GPC5: variants seen among roughly 807,000 people sequenced by gnomAD.
GPC5 encodes the protein glypican-5.
Under a neutral mutation model 53.9 loss-of-function variants are expected in GPC5, and 47 were observed. The observed-to-expected ratio is 0.87, with a 90% confidence interval of 0.69 to 1.11. The LOEUF (loss-of-function observed/expected upper bound fraction) is 1.11. GPC5 is among the 50% of genes most tolerant of loss of function. The pLI, the probability that GPC5 is intolerant of heterozygous loss-of-function variation, is 0.00. For missense variants in GPC5, 748 were observed against 713.1 expected (o/e 1.05, Z -0.56); for synonymous variants, 286 against 263.3 (o/e 1.09, Z -0.84).
At chr13:92,208,719 G>A (rs1248836271) in intron 7 of GPC5, among the ~76,000 whole-genome samples, 1 of 152,164 alleles carries the variant, frequency 6.6e-6, no homozygotes, top group South Asian at 2.1e-4. Context: ...TGACATTTCT[G>A]TATTTATTTG....
chr13:91,625,135 A>G (rs567895238), intron 2 of GPC5, among the ~76,000 whole-genome samples: 4 of 151,924 alleles, frequency 2.6e-5, no homozygotes, highest in Non-Finnish European at 5.9e-5. Context: ...GAACAACCCT[A>G]CACATGCTAA....
intron 7 of GPC5, among the ~76,000 whole-genome samples, chr13:92,558,352 T>A (rs1207390936): frequency 6.6e-6 from 1 of 152,032 alleles, no homozygotes; most frequent in Non-Finnish European, 1.5e-5. Flanking sequence ...GAAACTAACA[T>A]ATGCAAGTGA....
At chr13:92,444,384 G>A (rs533024247) in intron 7 of GPC5, among the ~76,000 whole-genome samples, 21 of 152,070 alleles carry the variant, frequency 1.4e-4, no homozygotes, top group Non-Finnish European at 3.1e-4. Flanking sequence ...CTGTGTGCCA[G>A]GAATTATACA....
intron 6 of GPC5, among the ~76,000 whole-genome samples, chr13:91,935,031 G>T (rs1594673111): frequency 1.3e-5 from 2 of 151,970 alleles, no homozygotes; most frequent in Admixed American, 6.6e-5. Context: ...AAAAATAATT[G>T]CTCTGACTGC....
intron 5 of GPC5, among the ~76,000 whole-genome samples, chr13:91,875,913 C>T (rs951256565): frequency 6.6e-6 from 1 of 152,168 alleles, no homozygotes; most frequent in African/African-American, 2.4e-5. Context: ...CAAGTCTCAA[C>T]TTGAATTGTA....
At chr13:92,308,062 A>G (rs1162067798) in intron 7 of GPC5, among the ~76,000 whole-genome samples, 2 of 152,164 alleles carry the variant, frequency 1.3e-5, no homozygotes, top group Admixed American at 1.3e-4. Context: ...GGTAATCATT[A>G]TGTGTTCCAA....
chr13:92,583,151 G>T (rs368501762), intron 7 of GPC5, among the ~76,000 whole-genome samples: 13 of 152,190 alleles, frequency 8.5e-5, no homozygotes, highest in African/African-American at 2.6e-4. Flanking sequence ...TTGTGTTAAG[G>T]TACATTCATC....
chr13:92,465,484 A>G (rs1878654517), intron 7 of GPC5, among the ~76,000 whole-genome samples: 1 of 152,058 alleles, frequency 6.6e-6, no homozygotes, highest in Admixed American at 6.6e-5. Flanking sequence ...AGGCTATGCT[A>G]CTTAAGGACA....
rs544300954 is a variant in GPC5, at chr13:91,809,929, G to A, written c.1280+53509G>A. On this transcript the variant is annotated intron_variant, in intron 5 of 7. Coordinates refer to ENST00000377067, the MANE Select transcript of GPC5 (RefSeq NM_004466.6). ...TGATGCATATGCTAATAAGCCTTTAGGGAAGGTTATGGTGTGAAATCTAAG... is the reference window on the plus strand; with the variant it reads ...TGATGCATATGCTAATAAGCCTTTAAGGAAGGTTATGGTGTGAAATCTAAG... Among the ~76,000 whole-genome samples the A allele has an allele frequency of 9.9e-5, 15 of 152,086 alleles. No homozygotes were observed. The South Asian group carries it at 2.9e-3, about 29-fold the overall frequency.
At chr13:91,714,364 T>C (rs916645077) in intron 3 of GPC5, among the ~76,000 whole-genome samples, 1 of 152,202 alleles carries the variant, frequency 6.6e-6, no homozygotes, top group African/African-American at 2.4e-5. Flanking sequence ...TACATTAGGA[T>C]ACAATCACAC....
chr13:92,508,431 C>G (rs1025458908), intron 7 of GPC5, among the ~76,000 whole-genome samples: 1 of 151,838 alleles, frequency 6.6e-6, no homozygotes, highest in Non-Finnish European at 1.5e-5. Context: ...ACTTTTAATA[C>G]AAGAAAAAAA....
At chr13:91,601,565 C>T (rs75984796) in intron 2 of GPC5, among the ~76,000 whole-genome samples, 311 of 152,184 alleles carry the variant, frequency 2.0e-3, no homozygotes, top group African/African-American at 7.2e-3. Context: ...CTCCCCATCA[C>T]CTGAGCTCCA....
intron 5 of GPC5, among the ~76,000 whole-genome samples, chr13:91,895,863 C>T (rs1030284105): frequency 3.9e-5 from 6 of 152,010 alleles, no homozygotes; most frequent in Non-Finnish European, 5.9e-5. Context: ...GTAATTGGGC[C>T]GAAATTAAAG....
intron 5 of GPC5, among the ~76,000 whole-genome samples, chr13:91,760,961 A>T (rs2037398489): frequency 6.6e-6 from 1 of 152,216 alleles, no homozygotes; most frequent in African/African-American, 2.4e-5. Flanking sequence ...TTTAAGAAGA[A>T]AATATTATTG....
chr13:92,697,825 T>C (rs534486789), intron 7 of GPC5, among the ~76,000 whole-genome samples: 3 of 152,292 alleles, frequency 2.0e-5, no homozygotes, highest in East Asian at 3.9e-4. Context: ...TGATACTGGA[T>C]GTGGGTTTGT....
At chr13:91,633,914 T>C (rs113893889) in intron 2 of GPC5, among the ~76,000 whole-genome samples, 2 of 152,266 alleles carry the variant, frequency 1.3e-5, no homozygotes, top group East Asian at 1.9e-4. Context: ...AACCTACTCA[T>C]ACTTAGAGTA....
chr13:92,121,212 C>G (rs1278771477), intron 6 of GPC5, among the ~76,000 whole-genome samples: 3 of 152,178 alleles, frequency 2.0e-5, no homozygotes, highest in Non-Finnish European at 4.4e-5. Flanking sequence ...TCTGGTTGAT[C>G]TGATCCACTC....
At chr13:92,651,147 A>G (rs575022753) in intron 7 of GPC5, among the ~76,000 whole-genome samples, 60 of 151,352 alleles carry the variant, frequency 4.0e-4, no homozygotes, top group African/African-American at 1.3e-3. Context: ...CTTGTGAGCT[A>G]ATACTTAATA....
chr13:92,491,993 T>A (rs1879781305), intron 7 of GPC5, among the ~76,000 whole-genome samples: 1 of 152,136 alleles, frequency 6.6e-6, no homozygotes, highest in African/African-American at 2.4e-5. Context: ...ATCTTTTCAG[T>A]CTAGAGTCTA....
Sources: allele counts gnomAD v4.1 joint callset (sites outside exome capture counted in the v4.1 genomes callset), GRCh38; gene constraint gnomAD v4.1.1; transcripts MANE v1.5; gene names NCBI Gene and HGNC (gene_info 2026-07-23, HGNC 2026-07-21).